Variants in STX2 observed in about 807,000 individuals in gnomAD.
The protein encoded by STX2 is syntaxin-2.
STX2 carries 27 observed loss-of-function variants against 40.6 expected under a neutral mutation model. The ratio of observed to expected loss-of-function variants is 0.66; its 90% CI spans 0.49 to 0.92. The LOEUF (loss-of-function observed/expected upper bound fraction) is 0.92. Among genes scored for constraint, STX2 ranks in the 40% least tolerant of loss-of-function variants. The probability of loss-of-function intolerance (pLI) is 0.00; values close to 1 mark genes in which losing one functional copy is unlikely to be tolerated. For synonymous variants in STX2, 123 were observed against 119.1 expected, an observed-to-expected ratio of 1.03 and a Z score of -0.22; for missense variants, 328 against 366.1, an observed-to-expected ratio of 0.90 and a Z score of 0.85.
At position 130,801,415 on chromosome 12, in the gene STX2, G is replaced by A. The variant is rs765084606; in HGVS notation, c.537C>T (p.Asp179=). The A allele has an allele frequency of 1.2e-5, 20 of 1,609,000 alleles. No individual in the cohort carries two copies. The highest frequency in any genetic ancestry group is 1.7e-4 in the Middle Eastern group (1 of 6,056). Residue 179 remains aspartate, a splice_region_variant and synonymous_variant, in exon 7 of 11, where the codon GAC becomes GAT. Transcript: ENST00000392373. The part of the protein sequence containing the change: ...ESGKPSIFTS[D]IISDSQITRQ... Reference sequence around the variant, plus strand: ...GCCACAGGGCCGCACCCCCACTCACGTCGGAAGTGAAGATGGATGGCTTCC... The same window carrying A: ...GCCACAGGGCCGCACCCCCACTCACATCGGAAGTGAAGATGGATGGCTTCC...
At chr12:130,822,355 G>C (rs932745010) in intron 2 of STX2, among the ~76,000 whole-genome samples, 1 of 152,034 alleles carries the variant, frequency 6.6e-6, no homozygotes, top group Non-Finnish European at 1.5e-5. Context: ...GGCAGAGGTT[G>C]CAGTGAACCA....
intron 3 of STX2, among the ~76,000 whole-genome samples, chr12:130,814,038 C>T (rs578231938): frequency 1.3e-5 from 2 of 152,270 alleles, no homozygotes; most frequent in South Asian, 2.1e-4. Flanking sequence ...CAGGGTGCCC[C>T]GAGTACCCAC....
At chr12:130,833,046 C>A (rs894711758) in intron 1 of STX2, among the ~76,000 whole-genome samples, 6 of 152,186 alleles carry the variant, frequency 3.9e-5, no homozygotes, top group African/African-American at 1.4e-4. Flanking sequence ...GTCTATCTCC[C>A]AGCTGCAGGT....
intron 1 of STX2, among the ~76,000 whole-genome samples, chr12:130,834,074 GCCTAA>G (rs911363716): frequency 2.0e-5 from 3 of 152,150 alleles, no homozygotes; most frequent in Non-Finnish European, 4.4e-5. Flanking sequence ...TCCCAGTGAT[GCCTAA>G]CCTGAGACTA....
rs569249079 is a variant in STX2, at chr12:130,823,301, G to A, written c.106-1513C>T. 2.6e-5 allele frequency among the ~76,000 whole-genome samples: 4 copies of A among 152,198 alleles called. No homozygotes were observed. The South Asian group carries it at 8.3e-4, about 32-fold the overall frequency. ...CACTACAGCCTGGGCAACAGAGCAA[G>A]ACCCTGCTCTTAAAAACAAAAAAAG... On this transcript the variant is annotated intron_variant, in intron 2 of 10. Coordinates refer to ENST00000392373, the MANE Select transcript of STX2 (RefSeq NM_194356.4).
At chr12:130,813,253 G>A (rs953512239) in intron 3 of STX2, among the ~76,000 whole-genome samples, 1 of 152,018 alleles carries the variant, frequency 6.6e-6, no homozygotes, top group Admixed American at 6.6e-5. Flanking sequence ...AAATCCCTGG[G>A]GCCCACCCTG....
intron 3 of STX2, among the ~76,000 whole-genome samples, chr12:130,818,445 T>A (rs967313167): frequency 6.6e-6 from 1 of 151,734 alleles, no homozygotes; most frequent in South Asian, 2.1e-4. Context: ...CACCACTAGC[T>A]CATTTCACAC....
intron 3 of STX2, 121 bp downstream of exon 3, chr12:130,821,568 G>T: frequency 1.3e-6 from 1 of 794,996 alleles, no homozygotes; most frequent in Non-Finnish European, 2.1e-6. Flanking sequence ...TCTCTAGGGT[G>T]TCAGCATTTC....
intron 3 of STX2, among the ~76,000 whole-genome samples, chr12:130,815,396 C>T (rs751979686): frequency 1.3e-5 from 2 of 152,178 alleles, no homozygotes; most frequent in Non-Finnish European, 2.9e-5. Flanking sequence ...TGTTCGTGCG[C>T]GTGTGAGATG....
At chr12:130,794,647 T>C (rs1234342696) in intron 10 of STX2, among the ~76,000 whole-genome samples, 1 of 152,036 alleles carries the variant, frequency 6.6e-6, no homozygotes, top group Non-Finnish European at 1.5e-5. Flanking sequence ...TAGGCACGTG[T>C]GCCACCATGC....
At chr12:130,813,854 C>T (rs775528641) in intron 3 of STX2, among the ~76,000 whole-genome samples, 4 of 152,230 alleles carry the variant, frequency 2.6e-5, no homozygotes, top group Non-Finnish European at 5.9e-5. Context: ...GCCCCCGCCC[C>T]GTCTCTGGAG....
Position 130,789,985 on chromosome 12 carries a change from G to A in STX2, c.*2038C>T, listed in dbSNP as rs1950837100. On this transcript the variant is annotated 3_prime_UTR_variant, in exon 11 of 11. Transcript: ENST00000392373. ...GGGGAGGACTCATATGACAGACCTT[G>A]AAGGAAAGGTGGGACATCACGGGAG... 1 of 152,180 alleles carries A rather than the reference G, an allele frequency of 6.6e-6. No homozygotes were observed. Among genetic ancestry groups the A allele is most frequent in the South Asian group, 2.1e-4 (1 of 4,826 alleles). The allele number at this position is 152,180 out of a possible 1,614,324, so 9.4% of individuals were successfully genotyped here.
rs754391624 is a variant in STX2, at chr12:130,808,675, T to A, written c.310A>T (p.Ser104Cys). 1.2e-6 allele frequency: 2 copies of A among 1,613,372 alleles called. No homozygotes were observed. The highest frequency in any genetic ancestry group is 1.7e-6 in the Non-Finnish European group (2 of 1,179,830). Reference sequence around the variant, plus strand: ...AGATCCACTGAAGTCCGGTTCCCACTCTCATCCTGATCAAAACTTTGTTCA... The same window carrying A: ...AGATCCACTGAAGTCCGGTTCCCACACTCATCCTGATCAAAACTTTGTTCA... ...AIEQSFDQDE[S>C]GNRTSVDLRI... The change falls in exon 5 of 11, where the codon AGT becomes TGT. Residue 104 changes from serine to cysteine, a missense_variant. By Grantham distance (112) the Ser-to-Cys change is moderately radical. Coordinates refer to ENST00000392373, the MANE Select transcript of STX2 (RefSeq NM_194356.4).
At position 130,839,192 on chromosome 12, in the gene STX2, C is replaced by T. The variant is rs1446170114; in HGVS notation, c.-93G>A. 3.7e-6 allele frequency: 4 copies of T among 1,069,300 alleles called. No individual in the cohort carries two copies. The highest frequency in any genetic ancestry group is 3.4e-5 in the African/African-American group (2 of 59,270). 66.2% of individuals were successfully genotyped at this position (1,069,300 alleles called of 1,614,324 possible). ...GCTCTCCGGTCTCCGCCTCAGGCCC[C>T]GCGGTCCCGGCCCGGCGCCAGCAGC... On this transcript the variant is annotated 5_prime_UTR_variant, in exon 1 of 11. Coordinates refer to ENST00000392373, the MANE Select transcript of STX2 (RefSeq NM_194356.4).
intron 2 of STX2, among the ~76,000 whole-genome samples, chr12:130,825,498 G>A (rs1337750742): frequency 6.6e-6 from 1 of 152,186 alleles, no homozygotes. Flanking sequence ...GAAGGCTAAA[G>A]ACAATTTAAA....
At chr12:130,814,551 G>A (rs895144191) in intron 3 of STX2, among the ~76,000 whole-genome samples, 10 of 151,982 alleles carry the variant, frequency 6.6e-5, no homozygotes, top group Non-Finnish European at 1.5e-4. Context: ...TGAGTTTGGG[G>A]CTTTTACTGA....
Position 130,807,022 on chromosome 12 carries a change from C to T in STX2, c.423G>A (p.Arg141=). The T allele has an allele frequency of 6.2e-7, 1 of 1,614,206 alleles. No individual in the cohort carries two copies. Among genetic ancestry groups the T allele is most frequent in the Non-Finnish European group, 8.5e-7 (1 of 1,180,030 alleles). Residue 141 remains arginine, a synonymous_variant, in exon 6 of 11, where the codon CGG becomes CGA. Transcript: ENST00000392373. ...GCTGGATGCGGCCTTTGCTCCGCTC[C>T]CGAAACAGAGTCTGTGCCTCATTGT... ...AEYNEAQTLF[R]ERSKGRIQRQ... is the part of the protein sequence containing the mutation.
At chr12:130,812,323 G>A (rs1460157771) in intron 4 of STX2, 1 of 450,272 alleles carries the variant, frequency 2.2e-6, no homozygotes. Context: ...TGAAATCTCA[G>A]ATGCCTGGGA....
At chr12:130,818,438 C>T (rs1438405227) in intron 3 of STX2, among the ~76,000 whole-genome samples, 1 of 151,772 alleles carries the variant, frequency 6.6e-6, no homozygotes, top group Non-Finnish European at 1.5e-5. Flanking sequence ...CAGATGCCAC[C>T]ACTAGCTCAT....
Sources: gnomAD v4.1 joint callset for allele counts (sites outside exome capture counted in the v4.1 genomes callset) on GRCh38, gnomAD v4.1.1 for gene constraint, MANE v1.5 for transcripts, NCBI Gene and HGNC (gene_info 2026-07-23, HGNC 2026-07-21) for gene names.